FILIP1L: variants seen among roughly 807,000 people sequenced by gnomAD.
FILIP1L encodes filamin A interacting protein 1 like, also known as filamin A-interacting protein 1-like.
Under a neutral mutation model 96.6 loss-of-function variants are expected in FILIP1L, and 55 were observed. That is an observed-to-expected ratio of 0.57 (90% CI 0.46 to 0.71). The LOEUF is 0.71. Among genes scored for constraint, FILIP1L ranks in the 30% least tolerant of loss-of-function variants. FILIP1L has a pLI of 0.00. For synonymous variants in FILIP1L, 467 were observed against 473.9 expected, an observed-to-expected ratio of 0.99 and a Z score of 0.19; for missense variants, 1,304 against 1,321.2, an observed-to-expected ratio of 0.99 and a Z score of 0.20.
At chr3:100,019,724 A>G (rs1030843533) in intron 1 of FILIP1L, among the ~76,000 whole-genome samples, 2 of 152,170 alleles carry the variant, frequency 1.3e-5, no homozygotes, top group African/African-American at 4.8e-5. Flanking sequence ...ATGTTTGTGT[A>G]AGACTGCGAT....
At chr3:100,056,935 C>T (rs1057310600) in intron 1 of FILIP1L, among the ~76,000 whole-genome samples, 8 of 151,902 alleles carry the variant, frequency 5.3e-5, no homozygotes, top group East Asian at 1.9e-4. Context: ...ACCTGGGAGG[C>T]GGAGCTTGCA....
intron 1 of FILIP1L, among the ~76,000 whole-genome samples, chr3:99,998,264 G>T (rs1709739505): frequency 6.6e-6 from 1 of 152,148 alleles, no homozygotes; most frequent in South Asian, 2.1e-4. Flanking sequence ...ATCTATCCTA[G>T]ATATCCCTAA....
chr3:99,869,923 T>G (rs1376723217), intron 4 of FILIP1L, among the ~76,000 whole-genome samples: 1 of 152,232 alleles, frequency 6.6e-6, no homozygotes, highest in Non-Finnish European at 1.5e-5. Context: ...TGAGGCTGCT[T>G]TAGATACAGT....
chr3:100,021,995 T>G (rs1012173482), intron 1 of FILIP1L, among the ~76,000 whole-genome samples: 27 of 121,184 alleles, frequency 2.2e-4, no homozygotes, highest in African/African-American at 4.1e-4. Context: ...GAGAGAGAGA[T>G]ATGAGGGGGG....
intron 4 of FILIP1L, among the ~76,000 whole-genome samples, chr3:99,889,409 G>A (rs1706013158): frequency 1.3e-5 from 2 of 151,814 alleles, no homozygotes; most frequent in Admixed American, 1.3e-4. Flanking sequence ...CTTTTAATTA[G>A]TAGTTACTAA....
At chr3:99,893,554 C>A (rs1401408572) in intron 4 of FILIP1L, among the ~76,000 whole-genome samples, 4 of 152,090 alleles carry the variant, frequency 2.6e-5, no homozygotes, top group Admixed American at 2.0e-4. Flanking sequence ...CAATCTAAGA[C>A]TAGATTTTGG....
chr3:99,835,934 G>C (rs1224790906), intron 5 of FILIP1L, among the ~76,000 whole-genome samples: 2 of 152,132 alleles, frequency 1.3e-5, no homozygotes, highest in African/African-American at 2.4e-5. Context: ...CATGATCAAA[G>C]GTAAGAAGGC....
intron 1 of FILIP1L, among the ~76,000 whole-genome samples, chr3:99,993,460 GCCTCT>G (rs1709583318): frequency 1.3e-5 from 2 of 152,028 alleles, no homozygotes; most frequent in South Asian, 4.2e-4. Context: ...CAATTTGAAT[GCCTCT>G]TATTTCTTTC....
At chr3:100,028,898 C>A (rs1382813527) in intron 1 of FILIP1L, among the ~76,000 whole-genome samples, 3 of 152,168 alleles carry the variant, frequency 2.0e-5, no homozygotes, top group African/African-American at 7.2e-5. Flanking sequence ...GTGTAACACA[C>A]ACAAAGACAC....
At chr3:100,084,213 T>A (rs2065972305) in intron 1 of FILIP1L, among the ~76,000 whole-genome samples, 2 of 152,340 alleles carry the variant, frequency 1.3e-5, no homozygotes, top group African/African-American at 4.8e-5. Flanking sequence ...TTCATGTACA[T>A]GTTTAAATAA....
Position 99,849,899 on chromosome 3 carries a change from G to A in FILIP1L, c.1777C>T (p.Gln593Ter). The A allele has an allele frequency of 1.2e-6, 2 of 1,611,940 alleles. No homozygotes were observed. The highest frequency in any genetic ancestry group is 1.7e-6 in the Non-Finnish European group (2 of 1,179,662). ...TCTTTCTCAATTGCTTCCAATGATTGAAGCCTATTTTTCAACATATTAACT... is the reference window on the plus strand; with the variant it reads ...TCTTTCTCAATTGCTTCCAATGATTAAAGCCTATTTTTCAACATATTAACT... ...SRVNMLKNRL[Q>*]SLEAIEKDFL... is the part of the protein sequence containing the mutation. The change falls in exon 5 of 6, where the codon CAA (glutamine) becomes TAA (stop). Residue 593 changes from glutamine to a stop codon, truncating the protein, a stop_gained. Coordinates refer to ENST00000477258, the MANE Select transcript of FILIP1L (RefSeq NM_001387850.1). LOFTEE classifies it high-confidence loss of function.
At chr3:99,983,440 A>G (rs1403184709) in intron 1 of FILIP1L, among the ~76,000 whole-genome samples, 69 of 37,864 alleles carry the variant, frequency 1.8e-3, no homozygotes, top group Non-Finnish European at 3.2e-3. Context: ...ATGTATATAT[A>G]TGTATGTATA....
intron 1 of FILIP1L, among the ~76,000 whole-genome samples, chr3:100,069,156 G>A (rs557081544): frequency 6.6e-6 from 1 of 152,184 alleles, no homozygotes; most frequent in African/African-American, 2.4e-5. Context: ...CTCCTTTAAG[G>A]TCAGTGGCAT....
chr3:99,934,148 G>C (rs1707582389), intron 1 of FILIP1L, among the ~76,000 whole-genome samples: 1 of 152,186 alleles, frequency 6.6e-6, no homozygotes, highest in Admixed American at 6.5e-5. Context: ...CCAAGAACGT[G>C]AGAGTTGAAG....
intron 1 of FILIP1L, among the ~76,000 whole-genome samples, chr3:100,085,731 A>G (rs992641216): frequency 6.6e-6 from 1 of 152,180 alleles, no homozygotes; most frequent in African/African-American, 2.4e-5. Context: ...TTTGTCTGTC[A>G]TCTGGGAATC....
chr3:99,911,354 A>G (rs1037014113), intron 4 of FILIP1L, among the ~76,000 whole-genome samples: 3 of 149,814 alleles, frequency 2.0e-5, no homozygotes, highest in Non-Finnish European at 4.4e-5. Flanking sequence ...ATAACAAAAT[A>G]ATAAGTATTA....
chr3:99,950,796 G>C (rs1708153490), intron 1 of FILIP1L, among the ~76,000 whole-genome samples: 1 of 152,016 alleles, frequency 6.6e-6, no homozygotes, highest in Non-Finnish European at 1.5e-5. Flanking sequence ...TGGAGACTTA[G>C]GTAAATATTC....
chr3:100,085,528 AT>A (rs1349174212), intron 1 of FILIP1L, among the ~76,000 whole-genome samples: 5 of 151,988 alleles, frequency 3.3e-5, no homozygotes, highest in Admixed American at 2.0e-4. Flanking sequence ...AAATATCCCC[AT>A]TTCTTCCTCT....
chr3:99,910,339 G>C lies in FILIP1L; in HGVS notation c.605+13891C>G, dbSNP rs1201506022. 1.5e-5 allele frequency among the ~76,000 whole-genome samples: 2 copies of C among 136,806 alleles called. 1 individual carries two copies. Among genetic ancestry groups the C allele is most frequent in the Non-Finnish European group, 3.3e-5 (2 of 59,796 alleles). The allele number at this position is 136,806 out of a possible 152,430, so 89.8% of individuals were successfully genotyped here. ...GGTTTGGGACACACTGACTCACACT[G>C]TCGACTGATAGAATGCAAACACATT... On this transcript the variant is annotated intron_variant, in intron 4 of 5. Transcript: ENST00000477258.
Sources: allele counts gnomAD v4.1 joint callset (sites outside exome capture counted in the v4.1 genomes callset), GRCh38; gene constraint gnomAD v4.1.1; transcripts MANE v1.5; gene names NCBI Gene and HGNC (gene_info 2026-07-23, HGNC 2026-07-21).